Variants in TYW1B observed in about 807,000 individuals in gnomAD.
TYW1B encodes S-adenosyl-L-methionine-dependent tRNA 4-demethylwyosine synthase TYW1B.
A neutral mutation model predicts 86.9 loss-of-function variants in TYW1B; 73 were observed. That is an observed-to-expected ratio of 0.84 (90% CI 0.70 to 1.02). The LOEUF is 1.02. Ranked by LOEUF, TYW1B falls within the 50% of genes least tolerant of loss-of-function variation. TYW1B has a pLI of 0.00. For missense variants in TYW1B, 637 were observed against 827.4 expected, an observed-to-expected ratio of 0.77 and a Z score of 2.82; for synonymous variants, 248 against 292.8, an observed-to-expected ratio of 0.85 and a Z score of 1.56.
chr7:72,792,276 G>A (rs1246702071), intron 6 of TYW1B, among the ~76,000 whole-genome samples: 10 of 150,148 alleles, frequency 6.7e-5, no homozygotes, highest in South Asian at 2.1e-4. Context: ...GCAGTGGGCC[G>A]AGATCACACT....
chr7:72,817,802 C>T (rs1229143141), intron 2 of TYW1B, among the ~76,000 whole-genome samples: 1 of 152,074 alleles, frequency 6.6e-6, no homozygotes, highest in Non-Finnish European at 1.5e-5. Flanking sequence ...TGGTAACACC[C>T]CCAGGTACCC....
intron 10 of TYW1B, among the ~76,000 whole-genome samples, chr7:72,705,497 A>G (rs1383092979): frequency 2.0e-5 from 3 of 152,224 alleles, no homozygotes; most frequent in Admixed American, 6.5e-5. Flanking sequence ...TGCTGAACAC[A>G]GCTCTGTCTT....
chr7:72,758,383 A>C (rs1787629134), intron 7 of TYW1B, among the ~76,000 whole-genome samples: 1 of 152,084 alleles, frequency 6.6e-6, no homozygotes. Context: ...CTGAAAGTGG[A>C]CCTAATTTAT....
Position 72,728,839 on chromosome 7 carries a change from A to G in TYW1B, c.1175T>C (p.Met392Thr), listed in dbSNP as rs781879625. 12 of 1,613,564 alleles carry G rather than the reference A, an allele frequency of 7.4e-6. No individual in the cohort carries two copies. Among genetic ancestry groups the G allele is most frequent in the Non-Finnish European group, 1.0e-5 (12 of 1,179,810 alleles). The change falls in exon 9 of 14, where the codon ATG (methionine) becomes ACG (threonine). Residue 392 changes from methionine (M) to threonine (T), a missense_variant. By Grantham distance (81) the Met-to-Thr change is moderately conservative (BLOSUM62 -1). Coordinates refer to ENST00000620995, the MANE Select transcript of TYW1B (RefSeq NM_001145440.3). Reference protein sequence around the residue: ...LKEAIENHQNMIKQFKGVPGV... With the variant: ...LKEAIENHQNTIKQFKGVPGV... ...ATAAATACCTTTAAACTGCTTAATC[A>G]TGTTCTGATGGTTTTCAATGGCTTC...
At chr7:72,762,920 A>T (rs1262662857) in intron 7 of TYW1B, among the ~76,000 whole-genome samples, 1 of 152,156 alleles carries the variant, frequency 6.6e-6, no homozygotes, top group Non-Finnish European at 1.5e-5. Context: ...ATGGCCTCCC[A>T]AAGTGCTGCG....
intron 7 of TYW1B, among the ~76,000 whole-genome samples, chr7:72,775,170 TGGG>T (rs1787933509): frequency 6.6e-6 from 1 of 152,086 alleles, no homozygotes; most frequent in South Asian, 2.1e-4. Flanking sequence ...GAGTGAGTTG[TGGG>T]TCAAATTCAA....
chr7:72,710,551 C>T (rs1301891798), intron 10 of TYW1B, among the ~76,000 whole-genome samples: 10 of 152,244 alleles, frequency 6.6e-5, no homozygotes, highest in Non-Finnish European at 1.0e-4. Flanking sequence ...TCAGCCTGGG[C>T]TCGGTGGCTC....
intron 13 of TYW1B, among the ~76,000 whole-genome samples, chr7:72,610,742 G>T (rs1811914724): frequency 6.6e-6 from 1 of 152,184 alleles, no homozygotes; most frequent in Non-Finnish European, 1.5e-5. Context: ...CTCCCGAGTA[G>T]CCAAGACTAC....
At chr7:72,640,979 C>G (rs1812787157) in intron 11 of TYW1B, among the ~76,000 whole-genome samples, 1 of 151,852 alleles carries the variant, frequency 6.6e-6, no homozygotes. Flanking sequence ...ACAAAGAAAC[C>G]AAAAGTCTGT....
intron 6 of TYW1B, among the ~76,000 whole-genome samples, chr7:72,799,992 G>A (rs1200827717): frequency 6.6e-6 from 1 of 151,320 alleles, no homozygotes; most frequent in Non-Finnish European, 1.5e-5. Context: ...ATTCTACTAT[G>A]GCCATGTAAA....
chr7:72,628,892 C>T lies in TYW1B; in HGVS notation c.1612G>A (p.Val538Met), dbSNP rs1812416765. 4.4e-6 allele frequency: 7 copies of T among 1,585,860 alleles called. No homozygotes were observed. The highest frequency in any genetic ancestry group is 5.1e-6 in the Non-Finnish European group (6 of 1,167,250). The change falls in exon 12 of 14, where the codon GTG becomes ATG. Residue 538 changes from valine to methionine, a missense_variant. Coordinates refer to ENST00000620995, the MANE Select transcript of TYW1B (RefSeq NM_001145440.3). ...CAGAGTCAGCAGGGGCTTACCTTCA[C>T]TTCGATGAAGTCAGGATTCCCCAGG... is the stretch of plus-strand genomic sequence containing the variant. ...VSLGNPDFIEVKGVTYCRESS... is the reference protein window; with the variant it reads ...VSLGNPDFIEMKGVTYCRESS...
intron 6 of TYW1B, 145 bp from the exon 7 acceptor site, chr7:72,777,678 G>C (rs1787980944): frequency 1.0e-6 from 1 of 971,038 alleles, no homozygotes; most frequent in Non-Finnish European, 1.5e-6. Flanking sequence ...CATTTTAGAA[G>C]GCCAGGGTAG....
intron 13 of TYW1B, among the ~76,000 whole-genome samples, chr7:72,598,512 G>A (rs1360966957): frequency 6.6e-6 from 1 of 152,164 alleles, no homozygotes; most frequent in Non-Finnish European, 1.5e-5. Flanking sequence ...AAGAGTGGAG[G>A]TGTCTTGAGG....
At chr7:72,597,497 G>A (rs1811564504) in intron 13 of TYW1B, among the ~76,000 whole-genome samples, 2 of 152,064 alleles carry the variant, frequency 1.3e-5, no homozygotes, top group Admixed American at 1.3e-4. Context: ...TAGCAAACAA[G>A]AGAAATAAGC....
chr7:72,689,655 C>A (rs1554450024), intron 11 of TYW1B, among the ~76,000 whole-genome samples: 2 of 152,074 alleles, frequency 1.3e-5, no homozygotes, highest in African/African-American at 4.8e-5. Context: ...ATACTTATGA[C>A]ACGATGTTAA....
intron 2 of TYW1B, among the ~76,000 whole-genome samples, chr7:72,824,861 T>C (rs1407183170): frequency 7.2e-5 from 11 of 151,994 alleles, no homozygotes; most frequent in Non-Finnish European, 8.8e-5. Flanking sequence ...CCCAACACTT[T>C]AGGAGGCCAG....
chr7:72,818,281 T>C (rs782487325), intron 2 of TYW1B, among the ~76,000 whole-genome samples: 6 of 151,730 alleles, frequency 4.0e-5, no homozygotes, highest in Non-Finnish European at 8.8e-5. Context: ...CATTCTTGCA[T>C]TGCTATTAAA....
At chr7:72,602,609 T>C (rs1811691275) in intron 13 of TYW1B, among the ~76,000 whole-genome samples, 1 of 152,118 alleles carries the variant, frequency 6.6e-6, no homozygotes, top group Non-Finnish European at 1.5e-5. Context: ...AATGGGGTTA[T>C]GTTCTGATAA....
rs71071905 is a variant in TYW1B at position 72,717,644 on chromosome 7, G to GACAC, written c.1193-3850_1193-3847dup. ...TAAGGTATTGGTGTCAGCTGTGCTT[G>GACAC]ACACACACACACACACACACACACA... On this transcript the variant is annotated intron_variant, in intron 9 of 13. Coordinates refer to ENST00000620995, the MANE Select transcript of TYW1B (RefSeq NM_001145440.3). 6.4e-3 allele frequency among the ~76,000 whole-genome samples: 929 copies of GACAC among 146,178 alleles called. 10 individuals carry two copies. The highest frequency in any genetic ancestry group is 0.015 in the African/African-American group (610 of 39,388).
Sources: gnomAD v4.1 joint callset for allele counts (sites outside exome capture counted in the v4.1 genomes callset) on GRCh38, gnomAD v4.1.1 for gene constraint, MANE v1.5 for transcripts, NCBI Gene and HGNC (gene_info 2026-07-23, HGNC 2026-07-21) for gene names.